The following PCDH11Y variants were observed in gnomAD, a reference collection of about 807,000 sequenced individuals.
The protein encoded by PCDH11Y is protocadherin 11 Y-linked, also known as protocadherin-11 Y-linked.
For synonymous variants in PCDH11Y, 9 were observed against 83.6 expected (o/e 0.11, Z 4.87); for missense variants, 12 against 224.8 (o/e 0.05, Z 6.05).
At chrY:5,095,649 T>C in intron 1 of PCDH11Y, among the ~76,000 whole-genome samples, 1 of 33,313 alleles carries the variant, frequency 3.0e-5, no homozygotes, top group Non-Finnish European at 7.4e-5. Context: ...CAAATTATAG[T>C]AGTATGTTAT....
At chrY:5,629,893 A>T (rs9786321) in intron 4 of PCDH11Y, among the ~76,000 whole-genome samples, 4,950 of 32,636 alleles carry the variant, frequency 0.15, no homozygotes, top group African/African-American at 0.59. Context: ...ATGTTCTCTT[A>T]ATAGAACTCT....
At chrY:5,676,283 C>T in intron 4 of PCDH11Y, among the ~76,000 whole-genome samples, 1 of 32,211 alleles carries the variant, frequency 3.1e-5, no homozygotes, top group Non-Finnish European at 7.6e-5. Context: ...CCTGAGGCTG[C>T]ACAGAGAAGG....
chrY:5,368,637 A>G, intron 2 of PCDH11Y, among the ~76,000 whole-genome samples: 1 of 33,948 alleles, frequency 2.9e-5, no homozygotes, highest in South Asian at 6.6e-4. Flanking sequence ...CAGAATCCCT[A>G]CTGGGGCACT....
intron 1 of PCDH11Y, among the ~76,000 whole-genome samples, chrY:5,016,355 G>T (rs2124619177): frequency 3.4e-4 from 11 of 31,990 alleles, no homozygotes; most frequent in Admixed American, 3.0e-3. Context: ...TCACTATATT[G>T]TCCTGTCACA....
At chrY:5,535,895 A>G (rs2124692199) in intron 3 of PCDH11Y, among the ~76,000 whole-genome samples, 1 of 31,678 alleles carries the variant, frequency 3.2e-5, no homozygotes, top group South Asian at 7.1e-4. Flanking sequence ...GCCAACGTCT[A>G]TTTTTTTTAT....
At chrY:5,359,858 TC>T (rs2053172900) in intron 2 of PCDH11Y, among the ~76,000 whole-genome samples, 1 of 32,929 alleles carries the variant, frequency 3.0e-5, no homozygotes, top group African/African-American at 1.2e-4. Context: ...CTCTTCAGTA[TC>T]TCTTAACTAA....
chrY:5,102,370 A>T, downstream of PCDH11Y, among the ~76,000 whole-genome samples: 1 of 31,549 alleles, frequency 3.2e-5, no homozygotes, highest in African/African-American at 1.2e-4. Context: ...GACTAACACT[A>T]CATGATTTGG....
chrY:5,439,650 A>G, intron 2 of PCDH11Y, among the ~76,000 whole-genome samples: 1 of 33,437 alleles, frequency 3.0e-5, no homozygotes, highest in Non-Finnish European at 7.4e-5. Flanking sequence ...ATTTTAAATG[A>G]CATTTTCAGC....
At chrY:5,396,675 A>C in intron 2 of PCDH11Y, among the ~76,000 whole-genome samples, 1 of 34,050 alleles carries the variant, frequency 2.9e-5, no homozygotes, top group Non-Finnish European at 7.3e-5. Flanking sequence ...TTTATTTTTC[A>C]AGACTTTTTT....
At chrY:5,624,398 CTT>C (rs1388918979) in intron 4 of PCDH11Y, among the ~76,000 whole-genome samples, 2 of 8,901 alleles carry the variant, frequency 2.2e-4, no homozygotes, top group Admixed American at 9.5e-4. Context: ...TCACACTTGT[CTT>C]TTTTTTTTTT....
chrY:5,619,103 A>G, intron 4 of PCDH11Y, among the ~76,000 whole-genome samples: 9 of 31,584 alleles, frequency 2.8e-4, no homozygotes, highest in South Asian at 1.5e-3. Context: ...AGTAATTACA[A>G]TTTTTCTCTG....
In PCDH11Y at chrY:5,723,673, G is replaced by A. The variant is rs1602964335; in HGVS notation, c.3353-13599G>A. Among the ~76,000 whole-genome samples the A allele has an allele frequency of 6.4e-3, 210 of 32,909 alleles. No homozygotes were observed. The Middle Eastern group carries it at 0.23, about 37-fold the overall frequency. The allele number at this position is 32,909 out of a possible 37,273, so 88.3% of individuals were successfully genotyped here. ...TCATGATATTAATAACAAAGTAAAT[G>A]GATTAAACAACATAAAACAAGGCCA... is the stretch of plus-strand genomic sequence containing the variant. On this transcript the variant is annotated intron_variant, in intron 4 of 4. Coordinates refer to the PCDH11Y transcript ENST00000400457.
intron 3 of PCDH11Y, among the ~76,000 whole-genome samples, chrY:5,562,780 A>AG (rs2053430387): frequency 3.3e-5 from 1 of 30,362 alleles, no homozygotes; most frequent in Non-Finnish European, 7.9e-5. Flanking sequence ...AAAAAAAAAA[A>AG]AAAAAAAAAA....
intron 2 of PCDH11Y, among the ~76,000 whole-genome samples, chrY:5,182,879 G>A: frequency 1.2e-4 from 4 of 33,910 alleles, no homozygotes; most frequent in Admixed American, 2.6e-4. Flanking sequence ...GCTGCCATTG[G>A]CTAGCTGGGA....
rs2124633734 is a variant in PCDH11Y, at chrY:5,090,572, A to C, written c.637-7643A>C. On this transcript the variant is annotated intron_variant, in intron 1 of 1. Coordinates refer to ENST00000215473, the Ensembl canonical transcript of PCDH11Y. ...ATTACTTTTAGGGGTGGTAGTTTTG[A>C]AGGGAGCAGGGAAGAAATCTTTTTA... Among the ~76,000 whole-genome samples, 3 of 31,941 alleles carry C rather than the reference A, an allele frequency of 9.4e-5. No individual in the cohort carries two copies. In the East Asian group the frequency reaches 2.4e-3, roughly 26 times the overall value. 85.7% of individuals were successfully genotyped at this position (31,941 alleles called of 37,273 possible).
chrY:5,417,526 A>G, intron 2 of PCDH11Y, among the ~76,000 whole-genome samples: 1 of 33,119 alleles, frequency 3.0e-5, no homozygotes, highest in African/African-American at 1.2e-4. Flanking sequence ...TCCAAGGGTG[A>G]AATTCTGTCA....
chrY:5,550,183 G>A (rs2053417389), intron 3 of PCDH11Y, among the ~76,000 whole-genome samples: 2 of 31,720 alleles, frequency 6.3e-5, no homozygotes, highest in Non-Finnish European at 1.5e-4. Context: ...ATGGATACCC[G>A]TTTCTCCACG....
intron 2 of PCDH11Y, among the ~76,000 whole-genome samples, chrY:5,468,478 G>A (rs2053310153): frequency 3.1e-5 from 1 of 32,696 alleles, no homozygotes; most frequent in Non-Finnish European, 7.6e-5. Flanking sequence ...AACAGGAAAT[G>A]CACCCCTTTG....
At chrY:5,388,417 C>G (rs1341208991) in intron 2 of PCDH11Y, among the ~76,000 whole-genome samples, 12 of 32,938 alleles carry the variant, frequency 3.6e-4, no homozygotes, top group Non-Finnish European at 7.4e-5. Context: ...GGTCAAATGC[C>G]TCTCCCGTGA....
Sources: gnomAD v4.1 joint callset for allele counts (sites outside exome capture counted in the v4.1 genomes callset) on GRCh38, gnomAD v4.1.1 for gene constraint, MANE v1.5 for transcripts, NCBI Gene and HGNC (gene_info 2026-07-23, HGNC 2026-07-21) for gene names.